The following KCNQ2 variants were observed in gnomAD, a reference collection of about 807,000 sequenced individuals.
The protein encoded by KCNQ2 is potassium voltage-gated channel subfamily KQT member 2.
Under a neutral mutation model 84.8 loss-of-function variants are expected in KCNQ2, and 14 were observed. The ratio of observed to expected loss-of-function variants is 0.17; its 90% CI spans 0.11 to 0.26. The LOEUF is 0.26. Among genes scored for constraint, KCNQ2 ranks in the 10% least tolerant of loss-of-function variants. The pLI, the probability that KCNQ2 is intolerant of heterozygous loss-of-function variation, is 1.00. For missense variants in KCNQ2, 788 were observed against 1,254.0 expected (o/e 0.63, Z 5.61); for synonymous variants, 599 against 554.1 (o/e 1.08, Z -1.14).
Position 63,400,387 on chromosome 20 carries a change from G to A in KCNQ2, c.*6257C>T, listed in dbSNP as rs966803964. 3.4e-5 allele frequency: 13 copies of A among 383,638 alleles called. No homozygotes were observed. Among genetic ancestry groups the A allele is most frequent in the Non-Finnish European group, 5.5e-5 (12 of 217,272 alleles). 23.8% of individuals were successfully genotyped at this position (383,638 alleles called of 1,614,324 possible). A position where few individuals can be genotyped will look rare whatever the true frequency, so the allele number is the denominator to read the frequency against. On this transcript the variant is annotated 3_prime_UTR_variant, in exon 17 of 17. Transcript: ENST00000359125. This position sits in a 1 kb window ranked among gnomAD's most constrained non-coding sequence, Gnocchi z 8.7. ...TTACGGCTCTGGCATCAACCTGTCC[G>A]TGTGAGTAAGTTAATATCTCAGCTA...
intron 1 of KCNQ2, among the ~76,000 whole-genome samples, chr20:63,450,903 C>T (rs187580585): frequency 8.6e-4 from 131 of 152,078 alleles, no homozygotes; most frequent in Non-Finnish European, 1.5e-3. Context: ...GGGAGGAGGC[C>T]GAGGCGGGCA....
In KCNQ2 at chr20:63,401,114, C is replaced by T. The variant is rs1285799534; in HGVS notation, c.*5530G>A. 5.3e-6 allele frequency: 2 copies of T among 375,240 alleles called. No homozygotes were observed. Among genetic ancestry groups the T allele is most frequent in the Non-Finnish European group, 9.5e-6 (2 of 211,446 alleles). 23.2% of individuals were successfully genotyped at this position (375,240 alleles called of 1,614,324 possible). On this transcript the variant is annotated 3_prime_UTR_variant, in exon 17 of 17. Transcript: ENST00000359125. ...GGGGCCCCTGGCCAGAGCCAGTCTC[C>T]TCGGCCAGCCAGGGGCACCACGGCA...
At chr20:63,426,500 CTT>C (rs11479722) in intron 10 of KCNQ2, among the ~76,000 whole-genome samples, 3,003 of 146,564 alleles carry the variant, frequency 0.02, 87 homozygotes, top group African/African-American at 0.063. Context: ...CCCTGAATGC[CTT>C]TTTTTTTTTT....
rs147080919 is a variant in KCNQ2, at chr20:63,438,259, G to A, written c.1023+366C>T. The A allele has an allele frequency of 6.6e-4, 239 of 362,090 alleles. 2 individuals carry two copies. The East Asian group carries it at 0.012, about 18-fold the overall frequency. The allele number at this position is 362,090 out of a possible 1,614,324, so 22.4% of individuals were successfully genotyped here. On this transcript the variant is annotated intron_variant, in intron 7 of 16. Coordinates refer to ENST00000359125, the MANE Select transcript of KCNQ2 (RefSeq NM_172107.4). This position sits in a 1 kb window ranked among gnomAD's most constrained non-coding sequence, Gnocchi z 5.1. ...CCACAGCCAGCATCAGGGGTCAGAC[G>A]AGGTCAGGCACTGACTCACTGCAGT...
At chr20:63,465,364 A>G (rs558951751) in intron 1 of KCNQ2, among the ~76,000 whole-genome samples, 150 of 152,342 alleles carry the variant, frequency 9.8e-4, no homozygotes, top group Middle Eastern at 6.8e-3. Context: ...GGGGCTTCTC[A>G]GGGCCCACCC....
rs1472366685 is a variant in KCNQ2 at position 63,444,668 on chromosome 20, G to A, written c.681C>T (p.Ala227=). 3 of 1,563,568 alleles carry A rather than the reference G, an allele frequency of 1.9e-6. No homozygotes were observed. The Admixed American group carries it at 5.6e-5, about 29-fold the overall frequency. ...TGGGGCCGTGACTCACCTTGCTGTGGGCATAGACCACAGAGCCCAGCAGCT... is the reference window on the plus strand; with the variant it reads ...TGGGGCCGTGACTCACCTTGCTGTGAGCATAGACCACAGAGCCCAGCAGCT... The part of the protein sequence containing the change: ...TWKLLGSVVY[A]HSKELVTAWY... The change falls in exon 4 of 17, where the codon GCC becomes GCT. Residue 227 remains alanine (A), a synonymous_variant. Transcript: ENST00000359125.
At chr20:63,429,634 C>A (rs2080734661) in intron 9 of KCNQ2, among the ~76,000 whole-genome samples, 1 of 152,214 alleles carries the variant, frequency 6.6e-6, no homozygotes, top group African/African-American at 2.4e-5. Context: ...TTGCCACTCT[C>A]CTGACCAAAC....
intron 15 of KCNQ2, chr20:63,412,250 G>C (rs1292907489): frequency 5.0e-6 from 1 of 199,936 alleles, no homozygotes; most frequent in African/African-American, 2.4e-5. Flanking sequence ...TGGGGTCCTT[G>C]GGGTGTTTGC....
chr20:63,432,965 T>A (rs1001316178), intron 8 of KCNQ2, among the ~76,000 whole-genome samples: 5 of 152,010 alleles, frequency 3.3e-5, no homozygotes, highest in African/African-American at 1.2e-4. Flanking sequence ...AGCTGGGAAG[T>A]CCCGGGGCTC....
chr20:63,417,770 A>G (rs1237845886), intron 12 of KCNQ2, among the ~76,000 whole-genome samples: 4 of 152,028 alleles, frequency 2.6e-5, no homozygotes, highest in African/African-American at 4.8e-5. Context: ...TCTGCTTCCC[A>G]TTTTTCAGGG....
chr20:63,442,758 TCAC>T (rs1318879811), intron 4 of KCNQ2, among the ~76,000 whole-genome samples: 6 of 34,776 alleles, frequency 1.7e-4, no homozygotes, highest in Admixed American at 3.0e-4. Flanking sequence ...ACCATCACCA[TCAC>T]CACCATCACC....
chr20:63,456,814 C>G (rs1462849345), intron 1 of KCNQ2, among the ~76,000 whole-genome samples: 1 of 152,208 alleles, frequency 6.6e-6, no homozygotes, highest in Non-Finnish European at 1.5e-5. Context: ...TCCCACGCAG[C>G]CTCCTTAGGC....
intron 15 of KCNQ2, chr20:63,411,041 C>T (rs1195828672): frequency 2.2e-6 from 1 of 456,146 alleles, no homozygotes; most frequent in South Asian, 1.5e-5. Flanking sequence ...TCACGTGGAG[C>T]TGGGCCGCAC....
chr20:63,454,896 C>T (rs962181095), intron 1 of KCNQ2, among the ~76,000 whole-genome samples: 3 of 152,224 alleles, frequency 2.0e-5, no homozygotes, highest in Admixed American at 1.3e-4. Context: ...AGAGGCCTCT[C>T]GGGACGGGGC....
At chr20:63,455,633 C>A (rs1226943199) in intron 1 of KCNQ2, among the ~76,000 whole-genome samples, 2 of 152,216 alleles carry the variant, frequency 1.3e-5, no homozygotes, top group Admixed American at 1.3e-4. Context: ...GGTCACCAGG[C>A]CAGAGGGGTG....
intron 1 of KCNQ2, among the ~76,000 whole-genome samples, chr20:63,450,254 C>A (rs966433846): frequency 6.6e-6 from 1 of 151,618 alleles, no homozygotes; most frequent in East Asian, 2.0e-4. Flanking sequence ...GAAACCCTGG[C>A]TGCTCTTCCA....
At position 63,406,960 on chromosome 20, in the gene KCNQ2, T is replaced by C. The variant is rs1379286576; in HGVS notation, c.2303A>G (p.Gln768Arg). ...GGGCCTGCAGCCCGGGGTGTCCTCCTGCCGCAGGAACTCCATGCTGGCGCG... is the reference window on the plus strand; with the variant it reads ...GGGCCTGCAGCCCGGGGTGTCCTCCCGCCGCAGGAACTCCATGCTGGCGCG... ...GNRASMEFLR[Q>R]EDTPGCRPPE... The change falls in exon 17 of 17, where the codon CAG (glutamine) becomes CGG (arginine). Residue 768 changes from glutamine to arginine, a missense_variant. Gln to Arg is a conservative substitution (Grantham distance 43, BLOSUM62 1). Transcript: ENST00000359125. The C allele has an allele frequency of 3.2e-6, 5 of 1,564,860 alleles. No homozygotes were observed. Among genetic ancestry groups the C allele is most frequent in the Non-Finnish European group, 8.6e-7 (1 of 1,159,374 alleles).
chr20:63,408,141 G>A lies in KCNQ2; in HGVS notation c.1887+272C>T, dbSNP rs1312768411. 2.0e-6 allele frequency: 1 copy of A among 492,248 alleles called. No individual in the cohort carries two copies. The highest frequency in any genetic ancestry group is 3.7e-6 in the Non-Finnish European group (1 of 267,874). The allele number at this position is 492,248 out of a possible 1,614,324, so 30.5% of individuals were successfully genotyped here. A position where few individuals can be genotyped will look rare whatever the true frequency, so the allele number is the denominator to read the frequency against. On this transcript the variant is annotated intron_variant, in intron 16 of 16. Transcript: ENST00000359125. This position sits in a 1 kb window ranked among gnomAD's most constrained non-coding sequence, Gnocchi z 5.0. ...CACGTTCCACAAGGAACCCCTGAGG[G>A]ATCCACCTCTCAGCAGCCCCCACCC... is the stretch of plus-strand genomic sequence containing the variant.
intron 12 of KCNQ2, among the ~76,000 whole-genome samples, chr20:63,419,170 C>T (rs1036255749): frequency 2.0e-5 from 3 of 152,326 alleles, no homozygotes; most frequent in African/African-American, 4.8e-5. Flanking sequence ...CTTTCTGGGG[C>T]TTCTGATGCA....
Sources: gnomAD v4.1 joint callset for allele counts (sites outside exome capture counted in the v4.1 genomes callset) on GRCh38, gnomAD v4.1.1 for gene constraint, Gnocchi (gnomAD v3.1) non-coding constraint, MANE v1.5 for transcripts, NCBI Gene and HGNC (gene_info 2026-07-23, HGNC 2026-07-21) for gene names.